The following RASAL1 variants were observed in gnomAD, a reference collection of about 807,000 sequenced individuals.
The protein encoded by RASAL1 is rasGAP-activating-like protein 1.
In RASAL1, 72 loss-of-function variants were observed where a neutral mutation model predicts 96.6. That is an observed-to-expected ratio of 0.75 (90% CI 0.62 to 0.91). The LOEUF is 0.91. Ranked by LOEUF, RASAL1 falls within the 40% of genes least tolerant of loss-of-function variation. RASAL1 has a pLI of 0.00. For missense variants in RASAL1, 1,016 were observed against 1,072.5 expected, an observed-to-expected ratio of 0.95 and a Z score of 0.74; for synonymous variants, 405 against 430.4, an observed-to-expected ratio of 0.94 and a Z score of 0.73.
Position 113,135,408 on chromosome 12 carries a change from C to T in RASAL1, c.55G>A (p.Ala19Thr). Reference protein sequence around the residue: ...VRVVEGRALPAKDVSGSSDPY... With the variant: ...VRVVEGRALPTKDVSGSSDPY... The stretch of plus-strand genomic sequence containing the variant: ...CCGAGGAGTACTCACACGTCCTTGG[C>T]AGGCAGCGCGCGGCCCTCCACCACG... The change falls in exon 1 of 21, where the codon GCC (alanine) becomes ACC (threonine). Residue 19 changes from alanine (A) to threonine (T), a missense_variant. Physicochemically the swap from Ala to Thr is moderately conservative, Grantham distance 58. Transcript: ENST00000548055. This position sits in a 1 kb window ranked among gnomAD's most constrained non-coding sequence, Gnocchi z 5.7. 6.2e-7 allele frequency: 1 copy of T among 1,609,242 alleles called. No individual in the cohort carries two copies. The highest frequency in any genetic ancestry group is 8.5e-7 in the Non-Finnish European group (1 of 1,178,320).
intron 1 of RASAL1, among the ~76,000 whole-genome samples, chr12:113,133,871 G>T (rs990433984): frequency 2.6e-5 from 4 of 152,224 alleles, no homozygotes; most frequent in Non-Finnish European, 4.4e-5. Flanking sequence ...GCCAAGAGCT[G>T]CAGGAACCAG....
chr12:113,100,583 G>A (rs1249076846), intron 20 of RASAL1, 45 bp downstream of exon 20: 28 of 1,535,136 alleles, frequency 1.8e-5, no homozygotes, highest in Non-Finnish European at 2.5e-5. Context: ...ACAGGTGTGA[G>A]CCACTGCACC....
At position 113,130,781 on chromosome 12, in the gene RASAL1, C is replaced by A. The variant is rs942097271; in HGVS notation, c.122+104G>T. On this transcript the variant is annotated intron_variant, in intron 2 of 20. Coordinates refer to ENST00000548055, the MANE Select transcript of RASAL1 (RefSeq NM_001301202.2). The surrounding 1 kb of genome is among the most constrained non-coding windows in gnomAD (Gnocchi z 5.1). ...CCCACCTGCAGGCCCGCGAGTCCCCCTCAGGGTAAGCACTCCTTTAAATGT... is the reference window on the plus strand; with the variant it reads ...CCCACCTGCAGGCCCGCGAGTCCCCATCAGGGTAAGCACTCCTTTAAATGT... 3.1e-6 allele frequency: 3 copies of A among 965,516 alleles called. No individual in the cohort carries two copies. The highest frequency in any genetic ancestry group is 2.2e-4 in the Middle Eastern group (1 of 4,630). 59.8% of individuals were successfully genotyped at this position (965,516 alleles called of 1,614,324 possible).
chr12:113,113,888 G>A (rs1228050726), intron 12 of RASAL1, among the ~76,000 whole-genome samples: 2 of 152,152 alleles, frequency 1.3e-5, no homozygotes, highest in African/African-American at 4.8e-5. Flanking sequence ...CTCCCTTGCA[G>A]GCAGGCCCAC....
intron 5 of RASAL1, 112 bp downstream of exon 5, chr12:113,121,397 C>T (rs1951289214): frequency 6.6e-7 from 1 of 1,513,582 alleles, no homozygotes; most frequent in Non-Finnish European, 8.9e-7. Context: ...GACTGCCAGC[C>T]CAGAAGTGCC....
chr12:113,108,369 T>A, intron 13 of RASAL1, 147 bp from the exon 14 acceptor site: 1 of 992,452 alleles, frequency 1.0e-6, no homozygotes, highest in Non-Finnish European at 1.4e-6. Flanking sequence ...GCCGAGGAAG[T>A]TTTTCCTCTC....
At chr12:113,108,036 T>A in intron 14 of RASAL1, 49 bp downstream of exon 14, 1 of 1,566,400 alleles carries the variant, frequency 6.4e-7, no homozygotes, top group South Asian at 1.2e-5. Context: ...CTACCATGCT[T>A]TTTTCCCTGG....
At chr12:113,101,331 G>A (rs1280025576) in intron 19 of RASAL1, among the ~76,000 whole-genome samples, 3 of 152,206 alleles carry the variant, frequency 2.0e-5, no homozygotes, top group South Asian at 2.1e-4. Flanking sequence ...CAAGAGAATC[G>A]CTTGAACCCA....
rs943081317 is a variant in RASAL1, at chr12:113,135,281, C to G, written c.65+117G>C. ...AAAGCGGAACTGCCCCAAGACCAGTCTTGGACAAGAACCCCTCGCCCTCCT... is the reference window on the plus strand; with the variant it reads ...AAAGCGGAACTGCCCCAAGACCAGTGTTGGACAAGAACCCCTCGCCCTCCT... On this transcript the variant is annotated intron_variant, in intron 1 of 20. Transcript: ENST00000548055. The surrounding 1 kb of genome is among the most constrained non-coding windows in gnomAD (Gnocchi z 5.7). 1.4e-5 allele frequency: 14 copies of G among 974,542 alleles called. No individual in the cohort carries two copies. Among genetic ancestry groups the G allele is most frequent in the Non-Finnish European group, 2.0e-5 (13 of 648,886 alleles). 60.4% of individuals were successfully genotyped at this position (974,542 alleles called of 1,614,324 possible).
At chr12:113,119,543 G>A in intron 5 of RASAL1, 100 bp from the exon 6 acceptor site, 1 of 1,179,314 alleles carries the variant, frequency 8.5e-7, no homozygotes, top group Non-Finnish European at 1.2e-6. Context: ...TGGTTTCCAA[G>A]GCAACAAACT....
chr12:113,131,745 G>A (rs1007875738), intron 1 of RASAL1, among the ~76,000 whole-genome samples: 1 of 152,106 alleles, frequency 6.6e-6, no homozygotes, highest in African/African-American at 2.4e-5. Flanking sequence ...CCATCATACA[G>A]GGCTTCTTTG....
chr12:113,106,284 G>A (rs1162789664), intron 15 of RASAL1, among the ~76,000 whole-genome samples: 4 of 152,242 alleles, frequency 2.6e-5, no homozygotes, highest in South Asian at 2.1e-4. Flanking sequence ...CAGGTTCTAC[G>A]TTCTGACAGG....
intron 2 of RASAL1, 132 bp from the exon 3 acceptor site, chr12:113,128,310 A>AC (rs1239245328): frequency 1.6e-5 from 10 of 610,174 alleles, no homozygotes; most frequent in African/African-American, 6.0e-5. Context: ...ACACTCAGAG[A>AC]CCCCCCACAT....
intron 15 of RASAL1, among the ~76,000 whole-genome samples, 191 bp from the exon 16 acceptor site, chr12:113,106,077 G>T (rs554148179): frequency 2.0e-5 from 3 of 152,172 alleles, no homozygotes; most frequent in Non-Finnish European, 4.4e-5. Flanking sequence ...GCTGGGAGGA[G>T]GGGGAGGGCA....
At chr12:113,109,320 C>T (rs918151124) in intron 13 of RASAL1, among the ~76,000 whole-genome samples, 1 of 152,148 alleles carries the variant, frequency 6.6e-6, no homozygotes, top group African/African-American at 2.4e-5. Flanking sequence ...TAGGTAAGTG[C>T]TATTATCCCA....
At chr12:113,113,645 G>A (rs1950955723) in intron 12 of RASAL1, among the ~76,000 whole-genome samples, 1 of 152,174 alleles carries the variant, frequency 6.6e-6, no homozygotes, top group Non-Finnish European at 1.5e-5. Flanking sequence ...CAGTAAGAGG[G>A]GGTCATGATG....
Position 113,129,853 on chromosome 12 carries a change from A to G in RASAL1, c.122+1032T>C, listed in dbSNP as rs769924990. 2.6e-5 allele frequency among the ~76,000 whole-genome samples: 4 copies of G among 152,196 alleles called. No individual in the cohort carries two copies. Among genetic ancestry groups the G allele is most frequent in the Non-Finnish European group, 2.9e-5 (2 of 68,028 alleles). On this transcript the variant is annotated intron_variant, in intron 2 of 20. Transcript: ENST00000548055. This position sits in a 1 kb window ranked among gnomAD's most constrained non-coding sequence, Gnocchi z 5.0. ...TTTCCCAGCCAAAGGTCTTCTGAAC[A>G]TTCCCCAGCTCCTGAGCTGAAAGGC... is the stretch of plus-strand genomic sequence containing the variant.
At chr12:113,104,583 C>T (rs1433225503) in intron 16 of RASAL1, among the ~76,000 whole-genome samples, 1 of 152,218 alleles carries the variant, frequency 6.6e-6, no homozygotes, top group African/African-American at 2.4e-5. Flanking sequence ...CTCACTGCTA[C>T]CTCCGCCTCC....
rs533826621 is a variant in RASAL1, at chr12:113,110,084, T to C, written c.1375-1862A>G. 3.9e-5 allele frequency among the ~76,000 whole-genome samples: 6 copies of C among 152,268 alleles called. No individual in the cohort carries two copies. In the East Asian group the frequency reaches 1.2e-3, roughly 29 times the overall value. Reference sequence around the variant, plus strand: ...GCTGGCCTCCTCCCTTTCTTCCCTGTTCCCTGCCACAGCTGTGCCCCACTT... The same window carrying C: ...GCTGGCCTCCTCCCTTTCTTCCCTGCTCCCTGCCACAGCTGTGCCCCACTT... On this transcript the variant is annotated intron_variant, in intron 13 of 20. Transcript: ENST00000548055.
Sources: gnomAD v4.1 joint callset for allele counts (sites outside exome capture counted in the v4.1 genomes callset) on GRCh38, gnomAD v4.1.1 for gene constraint, Gnocchi (gnomAD v3.1) non-coding constraint, MANE v1.5 for transcripts, NCBI Gene and HGNC (gene_info 2026-07-23, HGNC 2026-07-21) for gene names.